EBPL: variants seen among roughly 807,000 people sequenced by gnomAD.
EBPL encodes the protein EBP like, also known as emopamil-binding protein-like.
EBPL carries 20 observed loss-of-function variants against 19.0 expected under a neutral mutation model. The ratio of observed to expected loss-of-function variants is 1.05; its 90% CI spans 0.74 to 1.53. The LOEUF is 1.53. Ranked by LOEUF, EBPL falls within the 40% of genes most tolerant of loss-of-function variation. EBPL has a pLI of 0.00. For synonymous variants in EBPL, 107 were observed against 117.0 expected (o/e 0.91, Z 0.55); for missense variants, 219 against 261.1 (o/e 0.84, Z 1.11).
In EBPL at chr13:49,663,089, G is replaced by C. The variant is rs762533287; in HGVS notation, c.348C>G (p.Leu116=). ...ATTTTTCTTTGACTATGGCATAAAT[G>C]AGGAACAATGCCAGAGACCCATCCA... ...VALDGSLALF[L]IYAIVKEKYY... Residue 116 remains leucine (L), a synonymous_variant, in exon 3 of 4, where the codon CTC becomes CTG. Transcript: ENST00000242827. 1 of 1,614,148 alleles carries C rather than the reference G, an allele frequency of 6.2e-7. No homozygotes were observed. The highest frequency in any genetic ancestry group is 1.7e-5 in the Admixed American group (1 of 60,004).
At chr13:49,687,202 G>C (rs7317456) in intron 1 of EBPL, among the ~76,000 whole-genome samples, 15,909 of 152,138 alleles carry the variant, frequency 0.1, 941 homozygotes, top group African/African-American at 0.12. Flanking sequence ...GTTGCTCAGG[G>C]CCTAAGCCCC....
At chr13:49,687,035 T>C (rs1403884595) in intron 1 of EBPL, among the ~76,000 whole-genome samples, 3 of 152,208 alleles carry the variant, frequency 2.0e-5, no homozygotes, top group African/African-American at 7.2e-5. Context: ...TCGCAACTCC[T>C]AGCCTCAAGC....
chr13:49,678,704 G>A (rs1261293474), intron 1 of EBPL, among the ~76,000 whole-genome samples: 10 of 152,018 alleles, frequency 6.6e-5, no homozygotes, highest in African/African-American at 2.2e-4. Context: ...CTCTGGCCGC[G>A]GCCAGCCCAG....
At chr13:49,677,210 CA>C (rs1407162261) in intron 1 of EBPL, among the ~76,000 whole-genome samples, 1 of 152,134 alleles carries the variant, frequency 6.6e-6, no homozygotes. Flanking sequence ...GGTAATACAC[CA>C]GTAGCAACTC....
intron 1 of EBPL, among the ~76,000 whole-genome samples, chr13:49,686,240 G>A (rs552876490): frequency 1.3e-5 from 2 of 152,140 alleles, no homozygotes; most frequent in Non-Finnish European, 2.9e-5. Flanking sequence ...ACCCTTCTTC[G>A]GCCATCCTCT....
chr13:49,689,731 G>C (rs1954039511), intron 1 of EBPL, among the ~76,000 whole-genome samples: 1 of 151,972 alleles, frequency 6.6e-6, no homozygotes, highest in Non-Finnish European at 1.5e-5. Context: ...TCTCTCACTG[G>C]GCCTAGCAAC....
chr13:49,670,170 C>T (rs1263760384), intron 1 of EBPL, among the ~76,000 whole-genome samples: 1 of 152,136 alleles, frequency 6.6e-6, no homozygotes, highest in African/African-American at 2.4e-5. Context: ...ATAGAGTAAG[C>T]TCTAGATTAT....
chr13:49,691,022 G>C (rs911259327), intron 1 of EBPL, among the ~76,000 whole-genome samples: 2 of 152,240 alleles, frequency 1.3e-5, no homozygotes, highest in Non-Finnish European at 2.9e-5. Context: ...TTTTTTTAAA[G>C]TTTGGTGGAG....
chr13:49,676,591 CA>C (rs953860557), intron 1 of EBPL, among the ~76,000 whole-genome samples: 1 of 135,592 alleles, frequency 7.4e-6, no homozygotes. Context: ...GACTATGTCT[CA>C]AAAAAAATAA....
chr13:49,663,602 A>G (rs1422723073), intron 2 of EBPL, among the ~76,000 whole-genome samples: 1 of 152,208 alleles, frequency 6.6e-6, no homozygotes, highest in Non-Finnish European at 1.5e-5. Flanking sequence ...TGTAAGTATA[A>G]TGGAGATGTG....
At chr13:49,681,655 G>C (rs757911129) in intron 1 of EBPL, among the ~76,000 whole-genome samples, 1 of 152,044 alleles carries the variant, frequency 6.6e-6, no homozygotes, top group Non-Finnish European at 1.5e-5. Flanking sequence ...TCAAAGCTCA[G>C]ATCAAACAAA....
At chr13:49,671,284 T>C (rs1953813188) in intron 1 of EBPL, among the ~76,000 whole-genome samples, 2 of 152,134 alleles carry the variant, frequency 1.3e-5, no homozygotes, top group Non-Finnish European at 2.9e-5. Context: ...ACCACAGGCG[T>C]GTGACACCAC....
intron 2 of EBPL, among the ~76,000 whole-genome samples, chr13:49,665,995 C>A (rs1965221865): frequency 6.6e-6 from 1 of 152,200 alleles, no homozygotes; most frequent in Admixed American, 6.5e-5. Flanking sequence ...TGGCTGAACA[C>A]ACAAGACCCG....
intron 1 of EBPL, among the ~76,000 whole-genome samples, chr13:49,690,334 A>G (rs888729590): frequency 6.6e-5 from 10 of 152,008 alleles, no homozygotes; most frequent in African/African-American, 2.2e-4. Context: ...TGATTACCCA[A>G]AACTCGGCTT....
intron 3 of EBPL, chr13:49,661,719 C>T (rs543101852): frequency 4.2e-6 from 6 of 1,441,584 alleles, no homozygotes; most frequent in Non-Finnish European, 5.5e-6. Context: ...TTGCAACCAG[C>T]GTCATGGAGT....
intron 1 of EBPL, among the ~76,000 whole-genome samples, chr13:49,679,160 T>C (rs1953915825): frequency 6.6e-6 from 1 of 152,252 alleles, no homozygotes; most frequent in African/African-American, 2.4e-5. Context: ...TTATAGTTCC[T>C]CCTGTGAATT....
At chr13:49,678,943 C>T (rs923218302) in intron 1 of EBPL, among the ~76,000 whole-genome samples, 3 of 140,878 alleles carry the variant, frequency 2.1e-5, no homozygotes, top group South Asian at 2.3e-4. Context: ...ACCTGGCAGG[C>T]GGAGGTTGCA....
intron 2 of EBPL, among the ~76,000 whole-genome samples, chr13:49,665,715 C>CTTTTTT (rs35993290): frequency 5.4e-4 from 79 of 146,992 alleles, no homozygotes; most frequent in African/African-American, 1.7e-3. Flanking sequence ...TTCAACAAGT[C>CTTTTTT]TTTTTTTTTT....
chr13:49,686,097 C>T (rs1178371454), intron 1 of EBPL, among the ~76,000 whole-genome samples: 1 of 152,182 alleles, frequency 6.6e-6, no homozygotes, highest in African/African-American at 2.4e-5. Flanking sequence ...CCCTGCAGGA[C>T]AAGGCTAATC....
Sources: allele counts gnomAD v4.1 joint callset (sites outside exome capture counted in the v4.1 genomes callset), GRCh38; gene constraint gnomAD v4.1.1; transcripts MANE v1.5; gene names NCBI Gene and HGNC (gene_info 2026-07-23, HGNC 2026-07-21).